The following NEGR1 variants were observed in gnomAD, a reference collection of about 807,000 sequenced individuals.
NEGR1 encodes the protein IgLON family member 4.
In NEGR1, 10 loss-of-function variants were observed where a neutral mutation model predicts 40.9. The observed-to-expected ratio is 0.24, with a 90% CI of 0.15 to 0.42. The LOEUF (loss-of-function observed/expected upper bound fraction) is 0.42. Ranked by LOEUF, NEGR1 falls within the 10% of genes least tolerant of loss-of-function variation. The probability of loss-of-function intolerance (pLI) is 1.00; values close to 1 mark genes in which losing one functional copy is unlikely to be tolerated. For synonymous variants in NEGR1, 185 were observed against 166.8 expected (o/e 1.11, Z -0.84); for missense variants, 352 against 438.9 (o/e 0.80, Z 1.77).
At chr1:72,070,817 T>C (rs901423424) in intron 1 of NEGR1, among the ~76,000 whole-genome samples, 5 of 152,114 alleles carry the variant, frequency 3.3e-5, no homozygotes, top group African/African-American at 1.2e-4. Flanking sequence ...TTTTATGGCA[T>C]GGGAGACAGC....
chr1:71,787,702 C>T (rs1656963071), intron 2 of NEGR1, among the ~76,000 whole-genome samples: 1 of 152,092 alleles, frequency 6.6e-6, no homozygotes, highest in Non-Finnish European at 1.5e-5. Flanking sequence ...ATATAAAAGT[C>T]TACATGGTTT....
At chr1:72,192,158 T>C (rs1345988933) in intron 1 of NEGR1, among the ~76,000 whole-genome samples, 1 of 151,940 alleles carries the variant, frequency 6.6e-6, no homozygotes, top group African/African-American at 2.4e-5. Context: ...GTAAGGACTA[T>C]ATTTTATGAA....
At position 72,281,215 on chromosome 1, in the gene NEGR1, T is replaced by C. The variant is rs950176440; in HGVS notation, c.176+1104A>G. On this transcript the variant is annotated intron_variant, in intron 1 of 6. Coordinates refer to ENST00000357731, the MANE Select transcript of NEGR1 (RefSeq NM_173808.3). Reference sequence around the variant, plus strand: ...GAGGAAGGTAGGAATAAAAAGGGGATAGAAAGACACAGAAAGAGAAAAAGA... The same window carrying C: ...GAGGAAGGTAGGAATAAAAAGGGGACAGAAAGACACAGAAAGAGAAAAAGA... Among the ~76,000 whole-genome samples the C allele has an allele frequency of 2.6e-5, 4 of 151,374 alleles. No individual in the cohort carries two copies. In the South Asian group the frequency reaches 6.2e-4, roughly 24 times the overall value.
At chr1:71,563,590 A>G (rs1648528214) in intron 6 of NEGR1, among the ~76,000 whole-genome samples, 2 of 152,010 alleles carry the variant, frequency 1.3e-5, no homozygotes, top group Admixed American at 6.6e-5. Flanking sequence ...CATTTAGAGA[A>G]ATAGAAGAGC....
chr1:71,881,223 G>A (rs1660575597), intron 2 of NEGR1, among the ~76,000 whole-genome samples: 1 of 151,958 alleles, frequency 6.6e-6, no homozygotes, highest in African/African-American at 2.4e-5. Context: ...ACTTTTTTCT[G>A]AGACAGTAAG....
intron 1 of NEGR1, among the ~76,000 whole-genome samples, chr1:72,027,235 T>C (rs1275302927): frequency 6.6e-6 from 1 of 152,056 alleles, no homozygotes; most frequent in African/African-American, 2.4e-5. Flanking sequence ...CCAAGACTCA[T>C]GTTTTATGTT....
intron 6 of NEGR1, among the ~76,000 whole-genome samples, chr1:71,555,266 T>C (rs1648219874): frequency 7.0e-6 from 1 of 143,090 alleles, no homozygotes; most frequent in South Asian, 2.3e-4. Flanking sequence ...TACCAACTGA[T>C]GAATTGGTAG....
At chr1:71,618,288 G>T (rs1650507264) in intron 4 of NEGR1, among the ~76,000 whole-genome samples, 2 of 152,130 alleles carry the variant, frequency 1.3e-5, no homozygotes, top group African/African-American at 4.8e-5. Context: ...CAGGTGTATT[G>T]ACTTTGTCCC....
chr1:71,596,303 C>T (rs78167637), intron 5 of NEGR1, among the ~76,000 whole-genome samples: 107 of 152,374 alleles, frequency 7.0e-4, no homozygotes, highest in African/African-American at 2.5e-3. Flanking sequence ...CTTCTCCCTT[C>T]TGGCTTTTGC....
intron 2 of NEGR1, among the ~76,000 whole-genome samples, chr1:71,815,138 G>T (rs747887741): frequency 3.3e-5 from 5 of 151,958 alleles, no homozygotes; most frequent in Admixed American, 1.3e-4. Context: ...AGAACTTATT[G>T]ATTTCTGCCT....
intron 6 of NEGR1, among the ~76,000 whole-genome samples, chr1:71,533,121 T>A (rs910006321): frequency 9.9e-5 from 15 of 151,544 alleles, no homozygotes; most frequent in Admixed American, 5.9e-4. Flanking sequence ...AGGCCATCTT[T>A]CATTCTGAGG....
At chr1:71,896,648 G>A (rs978205209) in intron 2 of NEGR1, among the ~76,000 whole-genome samples, 5 of 152,060 alleles carry the variant, frequency 3.3e-5, no homozygotes, top group Admixed American at 2.6e-4. Flanking sequence ...ATACTCCTAT[G>A]TTTTCTTGTA....
At chr1:71,632,383 T>C (rs1651002737) in intron 4 of NEGR1, among the ~76,000 whole-genome samples, 1 of 151,380 alleles carries the variant, frequency 6.6e-6, no homozygotes, top group African/African-American at 2.4e-5. Context: ...ATTCCATTGT[T>C]TACTATGTAC....
intron 1 of NEGR1, among the ~76,000 whole-genome samples, chr1:72,194,162 T>C (rs933703536): frequency 6.6e-6 from 1 of 151,892 alleles, no homozygotes; most frequent in Non-Finnish European, 1.5e-5. Flanking sequence ...ATGGCATTAA[T>C]ATTTGACCAA....
intron 3 of NEGR1, among the ~76,000 whole-genome samples, chr1:71,769,626 C>G (rs1267057916): frequency 6.6e-6 from 1 of 152,024 alleles, no homozygotes; most frequent in African/African-American, 2.4e-5. Context: ...TTGATGCCAC[C>G]ACGTGAAGGA....
chr1:71,999,876 C>T (rs768073922), intron 1 of NEGR1, among the ~76,000 whole-genome samples: 5 of 150,878 alleles, frequency 3.3e-5, no homozygotes, highest in Admixed American at 2.7e-4. Context: ...TATTTTCCTT[C>T]GTTTTAATTG....
chr1:71,907,733 A>C (rs982603383), intron 2 of NEGR1, among the ~76,000 whole-genome samples: 1 of 152,172 alleles, frequency 6.6e-6, no homozygotes, highest in Non-Finnish European at 1.5e-5. Flanking sequence ...CATCATAGAA[A>C]AGACATGAAA....
intron 2 of NEGR1, among the ~76,000 whole-genome samples, chr1:71,792,592 CAGTT>C (rs1337689404): frequency 6.6e-6 from 1 of 152,020 alleles, no homozygotes; most frequent in Non-Finnish European, 1.5e-5. Flanking sequence ...TTTTTCTAGT[CAGTT>C]ATTTTATTGA....
chr1:71,567,602 A>C (rs937483130), intron 6 of NEGR1, among the ~76,000 whole-genome samples: 3 of 152,192 alleles, frequency 2.0e-5, no homozygotes, highest in Non-Finnish European at 2.9e-5. Context: ...TAATAGAAAT[A>C]TGTAGAATTC....
Sources: allele counts gnomAD v4.1 joint callset (sites outside exome capture counted in the v4.1 genomes callset), GRCh38; gene constraint gnomAD v4.1.1; transcripts MANE v1.5; gene names NCBI Gene and HGNC (gene_info 2026-07-23, HGNC 2026-07-21).